The following IGSF21 variants were observed in gnomAD, a reference collection of about 807,000 sequenced individuals.
IGSF21 encodes immunoglobulin superfamily member 21.
In IGSF21, 28 loss-of-function variants were observed where a neutral mutation model predicts 46.8. That is an observed-to-expected ratio of 0.60 (90% CI 0.44 to 0.82). The LOEUF is 0.82. Ranked by LOEUF, IGSF21 falls within the 40% of genes least tolerant of loss-of-function variation. The pLI, the probability that IGSF21 is intolerant of heterozygous loss-of-function variation, is 0.00. For missense variants in IGSF21, 624 were observed against 665.5 expected (o/e 0.94, Z 0.69); for synonymous variants, 284 against 273.6 (o/e 1.04, Z -0.38).
chr1:18,132,914 G>C (rs1467548300), intron 1 of IGSF21, among the ~76,000 whole-genome samples: 1 of 147,234 alleles, frequency 6.8e-6, no homozygotes, highest in Non-Finnish European at 1.5e-5. Context: ...CAGGTGGAGG[G>C]AGTGGGGGAG....
At position 18,108,176 on chromosome 1, in the gene IGSF21, C is replaced by G. The variant is rs1468581886; in HGVS notation, c.48C>G (p.Ala16=). ...GCCGCTGCGTCTGCCTGCTGCTCGC[C>G]GCGATCCTGGACCTGGCGCGCGGTG... ...SLRRCVCLLL[A]AILDLARGYL... Residue 16 remains alanine, a synonymous_variant, in exon 1 of 10, where the codon GCC becomes GCG. Coordinates refer to ENST00000251296, the MANE Select transcript of IGSF21 (RefSeq NM_032880.5). The G allele has an allele frequency of 2.1e-6, 3 of 1,448,886 alleles. No homozygotes were observed. The highest frequency in any genetic ancestry group is 2.7e-6 in the Non-Finnish European group (3 of 1,104,262). The allele number at this position is 1,448,886 out of a possible 1,614,324, so 89.8% of individuals were successfully genotyped here. A position where few individuals can be genotyped will look rare whatever the true frequency, so the allele number is the denominator to read the frequency against.
intron 2 of IGSF21, among the ~76,000 whole-genome samples, chr1:18,291,595 G>C (rs545328639): frequency 6.6e-6 from 1 of 152,282 alleles, no homozygotes; most frequent in East Asian, 1.9e-4. Context: ...AGCTTCCCCT[G>C]AGCGCACACT....
At chr1:18,144,139 G>C (rs533164976) in intron 1 of IGSF21, among the ~76,000 whole-genome samples, 1 of 152,102 alleles carries the variant, frequency 6.6e-6, no homozygotes, top group Non-Finnish European at 1.5e-5. Flanking sequence ...ATGTTTCCAC[G>C]TGGTCCTCTC....
chr1:18,341,469 A>G (rs982756722), intron 4 of IGSF21, among the ~76,000 whole-genome samples: 4 of 152,180 alleles, frequency 2.6e-5, no homozygotes, highest in African/African-American at 9.7e-5. Context: ...TAGCACACCA[A>G]GATTCCCTGT....
chr1:18,230,930 G>GC (rs1215883065), intron 2 of IGSF21, among the ~76,000 whole-genome samples: 1 of 150,610 alleles, frequency 6.6e-6, no homozygotes, highest in African/African-American at 2.4e-5. Flanking sequence ...CCCGCAGCCT[G>GC]CCCCCCTCCT....
intron 1 of IGSF21, among the ~76,000 whole-genome samples, chr1:18,215,451 C>A (rs906362127): frequency 1.3e-5 from 2 of 152,166 alleles, no homozygotes; most frequent in Non-Finnish European, 1.5e-5. Context: ...GTGAGAGGGC[C>A]ACCTAACCCA....
chr1:18,244,332 C>T (rs911274440), intron 2 of IGSF21, among the ~76,000 whole-genome samples: 1 of 152,216 alleles, frequency 6.6e-6, no homozygotes, highest in Non-Finnish European at 1.5e-5. Context: ...TTGGAATTCA[C>T]CTCCCTCTCC....
chr1:18,359,107 T>TAAAAAC lies in IGSF21; in HGVS notation c.425-2991_425-2986dup, dbSNP rs1321145710. 3.3e-5 allele frequency among the ~76,000 whole-genome samples: 5 copies of TAAAAAC among 150,852 alleles called. No individual in the cohort carries two copies. In the East Asian group the frequency reaches 5.9e-4, roughly 18 times the overall value. ...AGCAAGACCCTAGCTCTACAAAACA[T>TAAAAAC]AAAAACAAAAACAAAAACAAAACAG... On this transcript the variant is annotated intron_variant, in intron 4 of 9. Coordinates refer to ENST00000251296, the MANE Select transcript of IGSF21 (RefSeq NM_032880.5).
chr1:18,203,852 C>A (rs1454022956), intron 1 of IGSF21, among the ~76,000 whole-genome samples: 5 of 152,134 alleles, frequency 3.3e-5, no homozygotes, highest in Non-Finnish European at 1.5e-5. Flanking sequence ...AGGGCAAAAT[C>A]GAAACTGTTA....
intron 6 of IGSF21, among the ~76,000 whole-genome samples, chr1:18,371,888 C>T (rs1013827139): frequency 2.0e-5 from 3 of 152,170 alleles, no homozygotes; most frequent in Admixed American, 2.0e-4. Flanking sequence ...TCTGAATCGC[C>T]CACAAGGTAG....
intron 1 of IGSF21, among the ~76,000 whole-genome samples, chr1:18,167,288 C>T (rs1380449977): frequency 1.3e-5 from 2 of 152,170 alleles, no homozygotes; most frequent in Admixed American, 1.3e-4. Context: ...ATAGAGGTGG[C>T]TCAGTGCCTG....
intron 3 of IGSF21, among the ~76,000 whole-genome samples, chr1:18,321,250 A>G (rs2085597879): frequency 6.6e-6 from 1 of 152,196 alleles, no homozygotes; most frequent in African/African-American, 2.4e-5. Flanking sequence ...CCAGGCCTCC[A>G]TGTTGCTGTA....
intron 6 of IGSF21, among the ~76,000 whole-genome samples, chr1:18,372,256 T>G (rs1382254714): frequency 1.1e-4 from 16 of 152,260 alleles, no homozygotes. Context: ...AGTAAGGCAG[T>G]GCATACAAAG....
At chr1:18,286,188 C>T (rs986024463) in intron 2 of IGSF21, among the ~76,000 whole-genome samples, 8 of 152,232 alleles carry the variant, frequency 5.3e-5, no homozygotes, top group African/African-American at 9.6e-5. Flanking sequence ...CCATGCTGAG[C>T]GGTCAGCTCT....
chr1:18,220,844 G>C (rs950332187), intron 1 of IGSF21, among the ~76,000 whole-genome samples: 6 of 152,186 alleles, frequency 3.9e-5, no homozygotes, highest in African/African-American at 1.4e-4. Context: ...GTGTGCAGGA[G>C]AGCAGAGGCA....
At chr1:18,191,808 T>C (rs1394238381) in intron 1 of IGSF21, among the ~76,000 whole-genome samples, 1 of 152,146 alleles carries the variant, frequency 6.6e-6, no homozygotes, top group Non-Finnish European at 1.5e-5. Context: ...CTCAGATCTG[T>C]TTGCAACCTG....
intron 2 of IGSF21, among the ~76,000 whole-genome samples, chr1:18,257,553 A>G (rs1270029424): frequency 6.6e-6 from 1 of 152,140 alleles, no homozygotes; most frequent in Non-Finnish European, 1.5e-5. Context: ...AGTGGAAACT[A>G]GAGCTGCTGA....
intron 3 of IGSF21, among the ~76,000 whole-genome samples, chr1:18,316,084 A>C (rs2085540626): frequency 6.6e-6 from 1 of 152,312 alleles, no homozygotes; most frequent in Non-Finnish European, 1.5e-5. Flanking sequence ...AGAGCCCCTG[A>C]TGGGAAACCA....
intron 6 of IGSF21, among the ~76,000 whole-genome samples, chr1:18,369,778 G>A (rs34792261): frequency 0.22 from 33,000 of 152,128 alleles, 4,275 homozygotes; most frequent in Non-Finnish European, 0.29. Flanking sequence ...GATGCCCTCC[G>A]CAGCTGAAAT....
Sources: gnomAD v4.1 joint callset for allele counts (sites outside exome capture counted in the v4.1 genomes callset) on GRCh38, gnomAD v4.1.1 for gene constraint, MANE v1.5 for transcripts, NCBI Gene and HGNC (gene_info 2026-07-23, HGNC 2026-07-21) for gene names.